The following DUS2 variants were observed in gnomAD, a reference collection of about 807,000 sequenced individuals.
The protein encoded by DUS2 is tRNA-dihydrouridine(20) synthase [NAD(P)+]-like.
In DUS2, 52 loss-of-function variants were observed where a neutral mutation model predicts 71.3. The ratio of observed to expected loss-of-function variants is 0.73; its 90% CI spans 0.58 to 0.92. The LOEUF is 0.92. Among genes scored for constraint, DUS2 ranks in the 40% least tolerant of loss-of-function variants. The pLI, the probability that DUS2 is intolerant of heterozygous loss-of-function variation, is 0.00. For missense variants in DUS2, 558 were observed against 622.6 expected (o/e 0.90, Z 1.10); for synonymous variants, 204 against 227.8 (o/e 0.90, Z 0.94).
At chr16:68,067,389 C>T (rs2034025784) in intron 10 of DUS2, among the ~76,000 whole-genome samples, 1 of 143,744 alleles carries the variant, frequency 7.0e-6, no homozygotes, top group Non-Finnish European at 1.5e-5. Context: ...TCAAGTGATT[C>T]TCCTGCCTCA....
At chr16:68,055,304 T>C (rs532607357) in intron 6 of DUS2, among the ~76,000 whole-genome samples, 14 of 152,140 alleles carry the variant, frequency 9.2e-5, no homozygotes, top group African/African-American at 3.4e-4. Flanking sequence ...GCAGAGCTCA[T>C]CTCTACAAAA....
intron 3 of DUS2, among the ~76,000 whole-genome samples, chr16:68,044,640 C>T (rs562306714): frequency 6.6e-6 from 1 of 151,804 alleles, no homozygotes; most frequent in African/African-American, 2.4e-5. Flanking sequence ...CAAAGTGATC[C>T]GCCTGCCTAG....
At chr16:68,025,173 C>T (rs1182717256) in intron 1 of DUS2, among the ~76,000 whole-genome samples, 3 of 152,096 alleles carry the variant, frequency 2.0e-5, no homozygotes, top group African/African-American at 4.8e-5. Context: ...CTCAGGGCTT[C>T]TCCTTATCCA....
In DUS2 at chr16:68,075,527, G is replaced by C. The variant is rs776351900; in HGVS notation, c.1082+23G>C. On this transcript the variant is annotated intron_variant, in intron 14 of 16. Coordinates refer to ENST00000565263, the MANE Select transcript of DUS2 (RefSeq NM_017803.5). ...CCGGTAGGTCTCCAGCTTGGCCTCAGCTTGGGCTAGGGCCAGCACCCTTGG... is the reference window on the plus strand; with the variant it reads ...CCGGTAGGTCTCCAGCTTGGCCTCACCTTGGGCTAGGGCCAGCACCCTTGG... The C allele has an allele frequency of 8.7e-6, 14 of 1,604,024 alleles. No individual in the cohort carries two copies. The South Asian group carries it at 1.6e-4, about 18-fold the overall frequency.
Position 68,071,092 on chromosome 16 carries a change from A to G in DUS2, c.794A>G (p.Gln265Arg), listed in dbSNP as rs147080316. ...CTGCGGCCCCTGGAGGAGGTCATGC[A>G]GAAATACATCAGATACGTACGTCTC... is the stretch of plus-strand genomic sequence containing the variant. ...EGLRPLEEVMQKYIRYAVQYD... is the reference protein window; with the variant it reads ...EGLRPLEEVMRKYIRYAVQYD... The change falls in exon 12 of 17, where the codon CAG becomes CGG. Residue 265 changes from glutamine (Q) to arginine (R), a missense_variant. By Grantham distance (43) the Gln-to-Arg change is conservative (BLOSUM62 1). Transcript: ENST00000565263. 2.9e-5 allele frequency: 47 copies of G among 1,614,242 alleles called. No individual in the cohort carries two copies. The African/African-American group carries it at 4.5e-4, about 16-fold the overall frequency.
chr16:68,048,608 A>G (rs1054699566), intron 3 of DUS2, among the ~76,000 whole-genome samples: 2 of 152,196 alleles, frequency 1.3e-5, no homozygotes, highest in African/African-American at 4.8e-5. Flanking sequence ...ATGCTGCGGG[A>G]AGTCCCATGG....
chr16:68,027,742 G>T (rs540225316), intron 2 of DUS2, among the ~76,000 whole-genome samples: 1 of 152,338 alleles, frequency 6.6e-6, no homozygotes, highest in East Asian at 1.9e-4. Flanking sequence ...GCTCAGAGAT[G>T]CCTTTACCCT....
At chr16:68,028,095 C>T (rs1311763684) in intron 2 of DUS2, among the ~76,000 whole-genome samples, 1 of 152,140 alleles carries the variant, frequency 6.6e-6, no homozygotes, top group Middle Eastern at 3.4e-3. Flanking sequence ...TCATGTTTTG[C>T]GTATCATATC....
At chr16:68,060,777 G>C (rs2033927692) in intron 7 of DUS2, among the ~76,000 whole-genome samples, 1 of 152,134 alleles carries the variant, frequency 6.6e-6, no homozygotes, top group Non-Finnish European at 1.5e-5. Context: ...GAACTGGGGA[G>C]GTGGAGGTTG....
intron 12 of DUS2, 136 bp from the exon 13 acceptor site, chr16:68,073,898 T>G: frequency 9.1e-7 from 1 of 1,095,234 alleles, no homozygotes; most frequent in Non-Finnish European, 1.3e-6. Context: ...CAGTGGTGGT[T>G]CTTCTTATGG....
In DUS2 at chr16:68,076,643, C is replaced by T. The variant is rs1469213905; in HGVS notation, c.1094C>T (p.Pro365Leu). ...CTTCCTTTCCCCAGGAGAGCATACC[C>T]AGCCCAGATCACCCCTAAGATGTGC... Reference protein sequence around the residue: ...MAVKFDRRAYPAQITPKMCLL... With the variant: ...MAVKFDRRAYLAQITPKMCLL... The change falls in exon 15 of 17, where the codon CCA becomes CTA. Residue 365 changes from proline (P) to leucine (L), a missense_variant. Transcript: ENST00000565263. 1 of 1,613,960 alleles carries T rather than the reference C, an allele frequency of 6.2e-7. No individual in the cohort carries two copies. The highest frequency in any genetic ancestry group is 1.7e-5 in the Admixed American group (1 of 60,018).
In DUS2 at chr16:68,066,392, G is replaced by A. The variant is rs1332135041; in HGVS notation, c.483+10G>A. The stretch of plus-strand genomic sequence containing the variant: ...TCGCATCCTGCCATCGGTAAGGATG[G>A]TGTGTTACATATGAAGGTCCATTCT... On this transcript the variant is annotated intron_variant, in intron 9 of 16. Coordinates refer to ENST00000565263, the MANE Select transcript of DUS2 (RefSeq NM_017803.5). 1 of 1,612,458 alleles carries A rather than the reference G, an allele frequency of 6.2e-7. No individual in the cohort carries two copies. The highest frequency in any genetic ancestry group is 8.5e-7 in the Non-Finnish European group (1 of 1,178,474).
At chr16:68,038,449 G>C (rs1188654241) in intron 3 of DUS2, among the ~76,000 whole-genome samples, 1 of 152,080 alleles carries the variant, frequency 6.6e-6, no homozygotes, top group African/African-American at 2.4e-5. Flanking sequence ...AATAAAAGAG[G>C]CCTGGCACAG....
chr16:68,077,509 C>T (rs1220218745), intron 15 of DUS2: 1 of 152,188 alleles, frequency 6.6e-6, no homozygotes, highest in Non-Finnish European at 1.5e-5. Flanking sequence ...GTGTCAGCCT[C>T]CTGAGTAGCT....
At chr16:68,063,474 G>A (rs1034164008) in intron 8 of DUS2, among the ~76,000 whole-genome samples, 1 of 152,150 alleles carries the variant, frequency 6.6e-6, no homozygotes, top group Non-Finnish European at 1.5e-5. Flanking sequence ...ATTGGTGGTT[G>A]TACAACATTG....
intron 8 of DUS2, among the ~76,000 whole-genome samples, chr16:68,065,639 A>C (rs1293595691): frequency 6.6e-6 from 1 of 151,694 alleles, no homozygotes; most frequent in Admixed American, 6.6e-5. Context: ...TCAAAACAAA[A>C]CAAACAAACA....
At chr16:68,075,264 A>C in intron 13 of DUS2, 91 bp from the exon 14 acceptor site, 17 of 1,240,250 alleles carry the variant, frequency 1.4e-5, no homozygotes, top group South Asian at 1.8e-5. Flanking sequence ...GTGGTAGAGG[A>C]GTTTCTCAGT....
intron 15 of DUS2, 29 bp from the exon 16 acceptor site, chr16:68,078,416 C>A: frequency 6.2e-7 from 1 of 1,607,572 alleles, no homozygotes. Flanking sequence ...ATTTCTCTGG[C>A]CATGTGATTC....
intron 2 of DUS2, among the ~76,000 whole-genome samples, chr16:68,028,231 C>T (rs1350798503): frequency 1.3e-5 from 2 of 152,076 alleles, no homozygotes; most frequent in Non-Finnish European, 2.9e-5. Context: ...AGTTGTAGAG[C>T]TGAGAAGCTC....
Sources: gnomAD v4.1 joint callset for allele counts (sites outside exome capture counted in the v4.1 genomes callset) on GRCh38, gnomAD v4.1.1 for gene constraint, MANE v1.5 for transcripts, NCBI Gene and HGNC (gene_info 2026-07-23, HGNC 2026-07-21) for gene names.